STARD13: variants seen among roughly 807,000 people sequenced by gnomAD.
STARD13 encodes stAR-related lipid transfer protein 13.
A neutral mutation model predicts 106.4 loss-of-function variants in STARD13; 62 were observed. That is an observed-to-expected ratio of 0.58 (90% CI 0.48 to 0.72). The LOEUF (loss-of-function observed/expected upper bound fraction) is 0.72, where lower values mean the gene tolerates loss of function less well. Ranked by LOEUF, STARD13 falls within the 30% of genes least tolerant of loss-of-function variation. The pLI, the probability that STARD13 is intolerant of heterozygous loss-of-function variation, is 0.00. For synonymous variants in STARD13, 565 were observed against 553.0 expected (o/e 1.02, Z -0.31); for missense variants, 1,387 against 1,424.0 (o/e 0.97, Z 0.42).
intron 1 of STARD13, among the ~76,000 whole-genome samples, chr13:33,193,053 G>C (rs1886361975): frequency 1.3e-5 from 2 of 152,208 alleles, no homozygotes. Context: ...ATGGGAATAA[G>C]TGGATGAGAA....
chr13:33,309,582 A>G (rs1893055041), intron 1 of STARD13, among the ~76,000 whole-genome samples: 1 of 152,214 alleles, frequency 6.6e-6, no homozygotes, highest in African/African-American at 2.4e-5. Flanking sequence ...GAACAGCCGT[A>G]TTCAACTACT....
upstream of STARD13, among the ~76,000 whole-genome samples, chr13:33,353,099 A>C (rs1441120889): frequency 2.0e-5 from 3 of 151,734 alleles, no homozygotes; most frequent in African/African-American, 4.8e-5. Flanking sequence ...TACATTGGTT[A>C]TTTCCTCTCC....
chr13:33,117,439 C>T (rs993245250), intron 8 of STARD13: 7 of 237,186 alleles, frequency 3.0e-5, no homozygotes, highest in African/African-American at 1.6e-4. Flanking sequence ...ACCCCCATTG[C>T]AACCACTTAT....
chr13:33,358,762 A>C, the STARD13 span, among the ~76,000 whole-genome samples: 1 of 151,994 alleles, frequency 6.6e-6, no homozygotes, highest in South Asian at 2.1e-4. Flanking sequence ...GGATGTGGAG[A>C]GTCTTTATGT....
intron 1 of STARD13, among the ~76,000 whole-genome samples, chr13:33,226,651 T>C (rs1438892137): frequency 6.6e-6 from 1 of 152,102 alleles, no homozygotes; most frequent in Non-Finnish European, 1.5e-5. Context: ...GCCAGGCTGG[T>C]CTTGAACTCC....
In STARD13 at chr13:33,123,767, T is replaced by C. The variant is rs141200797; in HGVS notation, c.2082+2314A>G. On this transcript the variant is annotated intron_variant, in intron 7 of 13. Transcript: ENST00000336934. ...AAGGCTGGCAATGTGTCAGGCTCTG[T>C]GGGGCAGGGTCAACTGCAATGAGTG... 4.2e-3 allele frequency among the ~76,000 whole-genome samples: 646 copies of C among 152,286 alleles called. 7 individuals carry two copies. The highest frequency in any genetic ancestry group is 0.015 in the African/African-American group (609 of 41,554).
At chr13:33,554,973 G>A in the STARD13 span, among the ~76,000 whole-genome samples, 1 of 152,112 alleles carries the variant, frequency 6.6e-6, no homozygotes, top group African/African-American at 2.4e-5. Flanking sequence ...TCGTTTAGTA[G>A]GTCTGGATGT....
At chr13:33,369,929 A>C in the STARD13 span, among the ~76,000 whole-genome samples, 1 of 152,222 alleles carries the variant, frequency 6.6e-6, no homozygotes, top group Non-Finnish European at 1.5e-5. Context: ...TACATTCAAA[A>C]GATAAATTAT....
At chr13:33,439,572 C>A in the STARD13 span, 1 of 431,882 alleles carries the variant, frequency 2.3e-6, no homozygotes, top group South Asian at 2.0e-5. Context: ...CTGTATCCAT[C>A]AACTTTGCAT....
At chr13:33,134,134 G>T (rs866105651) in intron 4 of STARD13, among the ~76,000 whole-genome samples, 1 of 152,180 alleles carries the variant, frequency 6.6e-6, no homozygotes, top group East Asian at 1.9e-4. Flanking sequence ...CTGAAAATAG[G>T]TTCCCACGTT....
chr13:33,424,605 G>C, the STARD13 span, among the ~76,000 whole-genome samples: 1 of 152,178 alleles, frequency 6.6e-6, no homozygotes, highest in Non-Finnish European at 1.5e-5. Context: ...AGCTCAGGCA[G>C]CTGGTGGAGG....
upstream of STARD13, among the ~76,000 whole-genome samples, chr13:33,290,128 G>A (rs925898612): frequency 2.6e-5 from 4 of 152,120 alleles, no homozygotes; most frequent in South Asian, 2.1e-4. Flanking sequence ...AGGGCAGAAC[G>A]CTAAGGAGTG....
intron 1 of STARD13, among the ~76,000 whole-genome samples, chr13:33,266,477 C>T (rs541801630): frequency 2.6e-4 from 39 of 152,330 alleles, no homozygotes; most frequent in Middle Eastern, 3.4e-3. Context: ...AAATTTCAAA[C>T]TCACTGCAGT....
the STARD13 span, among the ~76,000 whole-genome samples, chr13:33,372,166 A>G: frequency 6.6e-6 from 1 of 152,220 alleles, no homozygotes; most frequent in East Asian, 1.9e-4. Context: ...TGTAACCTCC[A>G]TATATCTGAA....
At chr13:33,166,664 A>G (rs1302726748) in intron 2 of STARD13, among the ~76,000 whole-genome samples, 1 of 152,208 alleles carries the variant, frequency 6.6e-6, no homozygotes, top group Non-Finnish European at 1.5e-5. Flanking sequence ...AACTTTAGAT[A>G]TAAGGGACAT....
At chr13:33,276,755 G>T (rs1042722841) in intron 1 of STARD13, 3 of 152,084 alleles carry the variant, frequency 2.0e-5, no homozygotes, top group African/African-American at 7.2e-5. Flanking sequence ...TAGGTACTTG[G>T]TGACTGCCAA....
At chr13:33,150,709 C>G (rs976268589) in intron 3 of STARD13, among the ~76,000 whole-genome samples, 1 of 152,316 alleles carries the variant, frequency 6.6e-6, no homozygotes. Context: ...AACCTAAACA[C>G]AGCAGTTTGA....
rs1005134035 is a variant in STARD13 at position 33,103,375 on chromosome 13, T to G, written c.*2218A>C. The G allele has an allele frequency of 3.9e-5, 6 of 152,712 alleles. No homozygotes were observed. The highest frequency in any genetic ancestry group is 1.4e-4 in the African/African-American group (6 of 41,472). 9.5% of individuals were successfully genotyped at this position (152,712 alleles called of 1,614,324 possible). A position where few individuals can be genotyped will look rare whatever the true frequency, so the allele number is the denominator to read the frequency against. ...TTTTCTCCTTTTTTTCCCTTTTCCT[T>G]GTTTTAAAAAGATGCACTGTGTTGT... On this transcript the variant is annotated 3_prime_UTR_variant, in exon 14 of 14. Transcript: ENST00000336934.
chr13:33,508,976 A>G, the STARD13 span, among the ~76,000 whole-genome samples: 277 of 152,354 alleles, frequency 1.8e-3, 1 homozygote, highest in Non-Finnish European at 3.3e-3. Flanking sequence ...GTATTTGTGT[A>G]TGTAAACATA....
Sources: gnomAD v4.1 joint callset for allele counts (sites outside exome capture counted in the v4.1 genomes callset) on GRCh38, gnomAD v4.1.1 for gene constraint, MANE v1.5 for transcripts, NCBI Gene and HGNC (gene_info 2026-07-23, HGNC 2026-07-21) for gene names.